Variants in IGFBP4 observed in about 807,000 individuals in gnomAD.
IGFBP4 encodes insulin-like growth factor-binding protein 4.
Under a neutral mutation model 25.8 loss-of-function variants are expected in IGFBP4, and 9 were observed. The ratio of observed to expected loss-of-function variants is 0.35; its 90% CI spans 0.21 to 0.61. The LOEUF (loss-of-function observed/expected upper bound fraction) is 0.61, where lower values mean the gene tolerates loss of function less well. IGFBP4 is among the 20% of genes least tolerant of loss of function. IGFBP4 has a pLI of 0.77. For synonymous variants in IGFBP4, 153 were observed against 153.9 expected, an observed-to-expected ratio of 0.99 and a Z score of 0.05; for missense variants, 315 against 365.3, an observed-to-expected ratio of 0.86 and a Z score of 1.12.
At position 40,453,479 on chromosome 17, in the gene IGFBP4, G is replaced by T. The variant is rs796973860; in HGVS notation, c.507+337G>T. On this transcript the variant is annotated intron_variant, in intron 2 of 3. Coordinates refer to ENST00000269593, the MANE Select transcript of IGFBP4 (RefSeq NM_001552.3). The surrounding 1 kb of genome is among the most constrained non-coding windows in gnomAD (Gnocchi z 4.0). ...GCCCTGGGGTTTCTTGGCCTTTTTTGGATTCCCCACCCCAGACCTTCTCAG... is the reference window on the plus strand; with the variant it reads ...GCCCTGGGGTTTCTTGGCCTTTTTTTGATTCCCCACCCCAGACCTTCTCAG... Among the ~76,000 whole-genome samples, 1 of 152,012 alleles carries T rather than the reference G, an allele frequency of 6.6e-6. No individual in the cohort carries two copies. The highest frequency in any genetic ancestry group is 2.4e-5 in the African/African-American group (1 of 41,366).
chr17:40,455,994 T>C (rs1249271436), intron 3 of IGFBP4, among the ~76,000 whole-genome samples: 1 of 152,214 alleles, frequency 6.6e-6, no homozygotes, highest in Non-Finnish European at 1.5e-5. Flanking sequence ...ATTGTGTTTT[T>C]ACCTGGGCTT....
chr17:40,452,699 C>T (rs1027657474), intron 1 of IGFBP4, among the ~76,000 whole-genome samples: 2 of 152,108 alleles, frequency 1.3e-5, no homozygotes, highest in Non-Finnish European at 2.9e-5. Context: ...CCAGGGGACC[C>T]TCCTGCCATC....
At chr17:40,456,036 T>C (rs992314015) in intron 3 of IGFBP4, among the ~76,000 whole-genome samples, 3 of 152,168 alleles carry the variant, frequency 2.0e-5, no homozygotes, top group Non-Finnish European at 1.5e-5. Flanking sequence ...AGCTCAACTT[T>C]TAGTCATATT....
intron 1 of IGFBP4, among the ~76,000 whole-genome samples, chr17:40,444,884 A>AAAAC (rs2035632490): frequency 1.2e-5 from 1 of 80,304 alleles, no homozygotes; most frequent in Non-Finnish European, 2.4e-5. Context: ...GAGAGAGAGA[A>AAAAC]ACACACACAC....
chr17:40,450,796 A>T (rs150958184), intron 1 of IGFBP4, among the ~76,000 whole-genome samples: 132 of 152,048 alleles, frequency 8.7e-4, no homozygotes, highest in African/African-American at 3.0e-3. Flanking sequence ...AAGCACTGGG[A>T]TTACAGGCGT....
rs183012255 is a variant in IGFBP4 at position 40,457,558 on chromosome 17, T to G, written c.*975T>G. On this transcript the variant is annotated 3_prime_UTR_variant, in exon 4 of 4. Coordinates refer to ENST00000269593, the MANE Select transcript of IGFBP4 (RefSeq NM_001552.3). ...CTCGCTCCCTGTAGCTCTGCCTCCC[T>G]CTCCATATCTCCTTCCCCTACACCT... 1 of 152,012 alleles carries G rather than the reference T, an allele frequency of 6.6e-6. No homozygotes were observed. The highest frequency in any genetic ancestry group is 1.5e-5 in the Non-Finnish European group (1 of 68,010). 9.4% of individuals were successfully genotyped at this position (152,012 alleles called of 1,614,324 possible).
chr17:40,451,895 G>A (rs904431747), intron 1 of IGFBP4, among the ~76,000 whole-genome samples: 2 of 152,122 alleles, frequency 1.3e-5, no homozygotes, highest in African/African-American at 4.8e-5. Flanking sequence ...GGAGTGCAGT[G>A]GTGTGATCAT....
intron 1 of IGFBP4, among the ~76,000 whole-genome samples, chr17:40,447,934 ATTTT>A (rs1172441907): frequency 4.6e-5 from 7 of 152,124 alleles, no homozygotes; most frequent in African/African-American, 7.2e-5. Flanking sequence ...CCTTTGGTGC[ATTTT>A]GCTGCTGTCA....
At chr17:40,456,375 CTGGGATTGGGG>C in intron 3 of IGFBP4, 63 bp from the exon 4 acceptor site, 1 of 1,519,236 alleles carries the variant, frequency 6.6e-7, no homozygotes, top group East Asian at 2.3e-5. Flanking sequence ...CTGGGCTGGG[CTGGGATTGGGG>C]TGGGTCACTT....
chr17:40,443,709 G>A lies in IGFBP4; in HGVS notation c.-27G>A, dbSNP rs1179721725. 4.5e-5 allele frequency: 59 copies of A among 1,315,154 alleles called. No individual in the cohort carries two copies. Among genetic ancestry groups the A allele is most frequent in the Non-Finnish European group, 5.7e-5 (59 of 1,032,980 alleles). The allele number at this position is 1,315,154 out of a possible 1,614,324, so 81.5% of individuals were successfully genotyped here. On this transcript the variant is annotated 5_prime_UTR_variant, in exon 1 of 4. Transcript: ENST00000269593. Reference sequence around the variant, plus strand: ...GCTCCCCGCCTGCGCCCAGCGCCCCGCGCCCGCGCCCAGTCCTCGGGCGGT... The same window carrying A: ...GCTCCCCGCCTGCGCCCAGCGCCCCACGCCCGCGCCCAGTCCTCGGGCGGT...
chr17:40,444,757 T>C (rs934394079), intron 1 of IGFBP4, among the ~76,000 whole-genome samples: 1 of 151,818 alleles, frequency 6.6e-6, no homozygotes, highest in African/African-American at 2.4e-5. Context: ...AGGTAGGATT[T>C]GAGGTGGTAG....
intron 1 of IGFBP4, among the ~76,000 whole-genome samples, chr17:40,451,156 T>A (rs2035680398): frequency 6.6e-6 from 1 of 152,210 alleles, no homozygotes; most frequent in Non-Finnish European, 1.5e-5. Flanking sequence ...CTTGCTATAG[T>A]GTCTTCTCTT....
At chr17:40,455,433 A>G (rs1436961800) in intron 3 of IGFBP4, among the ~76,000 whole-genome samples, 1 of 151,486 alleles carries the variant, frequency 6.6e-6, no homozygotes, top group Non-Finnish European at 1.5e-5. Flanking sequence ...TGATCCTCCT[A>G]CCTCAGTCTC....
rs598892 is a variant in IGFBP4, at chr17:40,443,840, G to A, written c.105G>A (p.Leu35=). Residue 35 remains leucine (L), a synonymous_variant, in exon 1 of 4, where the codon CTG becomes CTA. Coordinates refer to ENST00000269593, the MANE Select transcript of IGFBP4 (RefSeq NM_001552.3). ...IHCPPCSEEK[L]ARCRPPVGCE... Reference sequence around the variant, plus strand: ...GCCCGCCCTGCTCCGAGGAGAAGCTGGCGCGCTGCCGCCCCCCCGTGGGCT... The same window carrying A: ...GCCCGCCCTGCTCCGAGGAGAAGCTAGCGCGCTGCCGCCCCCCCGTGGGCT... 601,763 of 1,532,814 alleles carry A rather than the reference G, an allele frequency of 0.39. 124,148 individuals carry two copies. The highest frequency in any genetic ancestry group is 0.54 in the Admixed American group (27,671 of 51,168). The allele number at this position is 1,532,814 out of a possible 1,614,324, so 95.0% of individuals were successfully genotyped here.
intron 1 of IGFBP4, among the ~76,000 whole-genome samples, chr17:40,445,179 TTC>T (rs1329386788): frequency 2.0e-5 from 3 of 152,200 alleles, no homozygotes; most frequent in Non-Finnish European, 2.9e-5. Context: ...CATCGTGCGT[TTC>T]TTTCTCCACC....
At chr17:40,448,028 A>T (rs2035659652) in intron 1 of IGFBP4, among the ~76,000 whole-genome samples, 1 of 152,030 alleles carries the variant, frequency 6.6e-6, no homozygotes, top group Non-Finnish European at 1.5e-5. Context: ...TGGGGGTGAT[A>T]CCCCTTGAGC....
In IGFBP4 at chr17:40,452,983, A is replaced by G; in HGVS notation, c.350-2A>G. The G allele has an allele frequency of 6.6e-7, 1 of 1,520,184 alleles. No individual in the cohort carries two copies. Among genetic ancestry groups the G allele is most frequent in the Admixed American group, 2.0e-5 (1 of 49,600 alleles). The allele number at this position is 1,520,184 out of a possible 1,614,324, so 94.2% of individuals were successfully genotyped here. On this transcript the variant is annotated splice_acceptor_variant, in intron 1 of 3. Coordinates refer to ENST00000269593, the MANE Select transcript of IGFBP4 (RefSeq NM_001552.3). LOFTEE classifies it high-confidence loss of function. ...CCTCTCCTTATCGCTACCTGAATAC[A>G]GACAAGGACGAGGGTGACCACCCCA...
chr17:40,451,049 G>A lies in IGFBP4; in HGVS notation c.350-1936G>A, dbSNP rs554528605. ...CCAGATCTTTCTCTGGTTCCTAACC[G>A]AGGGCTCAGGATCCATCTCCTTATG... On this transcript the variant is annotated intron_variant, in intron 1 of 3. Transcript: ENST00000269593. Among the ~76,000 whole-genome samples the A allele has an allele frequency of 1.1e-4, 16 of 152,248 alleles. No individual in the cohort carries two copies. The South Asian group carries it at 3.1e-3, about 30-fold the overall frequency.
rs2035722019 is a variant in IGFBP4, at chr17:40,457,491, C to T, written c.*908C>T. On this transcript the variant is annotated 3_prime_UTR_variant, in exon 4 of 4. Transcript: ENST00000269593. The stretch of plus-strand genomic sequence containing the variant: ...TCCTGTTCCCTACCCCATTTGTGGT[C>T]ACAGCCATGAAGTCACCGGGATGAA... 6.6e-6 allele frequency: 1 copy of T among 152,042 alleles called. No homozygotes were observed. Among genetic ancestry groups the T allele is most frequent in the Non-Finnish European group, 1.5e-5 (1 of 68,070 alleles). 9.4% of individuals were successfully genotyped at this position (152,042 alleles called of 1,614,324 possible). A position where few individuals can be genotyped will look rare whatever the true frequency, so the allele number is the denominator to read the frequency against.
Sources: allele counts gnomAD v4.1 joint callset (sites outside exome capture counted in the v4.1 genomes callset), GRCh38; gene constraint gnomAD v4.1.1; non-coding constraint Gnocchi (gnomAD v3.1); transcripts MANE v1.5; gene names NCBI Gene and HGNC (gene_info 2026-07-23, HGNC 2026-07-21).